The following NDUFB7 variants were observed in gnomAD, a reference collection of about 807,000 sequenced individuals.
NDUFB7 encodes NADH:ubiquinone oxidoreductase subunit B7.
NDUFB7 carries 18 observed loss-of-function variants against 14.7 expected under a neutral mutation model. The observed-to-expected ratio is 1.22, with a 90% CI of 0.85 to 1.81. The LOEUF (loss-of-function observed/expected upper bound fraction) is 1.81, where lower values mean the gene tolerates loss of function less well. Among genes scored for constraint, NDUFB7 ranks in the 40% most tolerant of loss-of-function variants. NDUFB7 has a pLI of 0.00. For synonymous variants in NDUFB7, 86 were observed against 76.1 expected (o/e 1.13, Z -0.68); for missense variants, 219 against 195.0 (o/e 1.12, Z -0.73).
At position 14,567,680 on chromosome 19, in the gene NDUFB7, C is replaced by T. The variant is rs551604978; in HGVS notation, c.113-747G>A. On this transcript the variant is annotated intron_variant, in intron 1 of 2. Coordinates refer to ENST00000215565, the MANE Select transcript of NDUFB7 (RefSeq NM_004146.6). The surrounding 1 kb of genome is among the most constrained non-coding windows in gnomAD (Gnocchi z 5.1). ...TCCCCACCGCCTCCCTCAGACCCAG[C>T]CTCCCTAGCCCTCCTGACGTCCACC... Among the ~76,000 whole-genome samples, 2 of 152,240 alleles carry T rather than the reference C, an allele frequency of 1.3e-5. No homozygotes were observed. Among genetic ancestry groups the T allele is most frequent in the South Asian group, 4.1e-4 (2 of 4,826 alleles).
rs149294891 is a variant in NDUFB7 at position 14,566,334 on chromosome 19, C to T, written c.282-69G>A. 3,306 of 1,604,734 alleles carry T rather than the reference C, an allele frequency of 2.1e-3. 43 individuals carry two copies. The African/African-American group carries it at 0.036, about 17-fold the overall frequency. On this transcript the variant is annotated intron_variant, in intron 2 of 2. Transcript: ENST00000215565. ...GACACGCCCCCCAAGCCCTGGGAAG[C>T]GGAGGGGCCGTCCCAGAGCACTGTG...
intron 1 of NDUFB7, among the ~76,000 whole-genome samples, chr19:14,570,537 A>T (rs1160390490): frequency 6.6e-6 from 1 of 151,774 alleles, no homozygotes; most frequent in Non-Finnish European, 1.5e-5. Context: ...GTGTTTCACC[A>T]TGTTGGCCAG....
At chr19:14,569,582 T>C (rs1429400325) in intron 1 of NDUFB7, among the ~76,000 whole-genome samples, 1 of 152,158 alleles carries the variant, frequency 6.6e-6, no homozygotes, top group Non-Finnish European at 1.5e-5. Flanking sequence ...TGCTAGCGTT[T>C]GCAAAGCTGA....
Position 14,566,807 on chromosome 19 carries a change from C to T in NDUFB7, c.239G>A (p.Cys80Tyr). The change falls in exon 2 of 3, where the codon TGC (cysteine) becomes TAC (tyrosine). Residue 80 changes from cysteine to tyrosine, a missense_variant. Cys to Tyr is a radical substitution (Grantham distance 194). Coordinates refer to ENST00000215565, the MANE Select transcript of NDUFB7 (RefSeq NM_004146.6). ...KRDSFPNFLA[C>Y]KQERHDWDYC... ...GTCCCAGTCGTGCCGCTCCTGCTTG[C>T]AGGCCAGGAAGTTGGGGAAGCTGTC... is the stretch of plus-strand genomic sequence containing the variant. The T allele has an allele frequency of 6.5e-7, 1 of 1,547,940 alleles. No homozygotes were observed.
chr19:14,566,360 G>A (rs1224956757), intron 2 of NDUFB7, 95 bp from the exon 3 acceptor site: 44 of 1,576,800 alleles, frequency 2.8e-5, no homozygotes, highest in Non-Finnish European at 3.5e-5. Context: ...GAGCACTGTG[G>A]GGGAGGCCTC....
rs2074099346 is a variant in NDUFB7 at position 14,567,530 on chromosome 19, C to A, written c.113-597G>T. Among the ~76,000 whole-genome samples the A allele has an allele frequency of 6.6e-6, 1 of 152,082 alleles. No individual in the cohort carries two copies. The highest frequency in any genetic ancestry group is 2.4e-5 in the African/African-American group (1 of 41,420). On this transcript the variant is annotated intron_variant, in intron 1 of 2. Coordinates refer to ENST00000215565, the MANE Select transcript of NDUFB7 (RefSeq NM_004146.6). This position sits in a 1 kb window ranked among gnomAD's most constrained non-coding sequence, Gnocchi z 5.1. ...AAGACAGCTGGACTAGTATCTGGGTCCCGGTGCCCCACTCACCTAGCAAAC... is the reference window on the plus strand; with the variant it reads ...AAGACAGCTGGACTAGTATCTGGGTACCGGTGCCCCACTCACCTAGCAAAC...
intron 2 of NDUFB7, 131 bp from the exon 3 acceptor site, chr19:14,566,396 T>C: frequency 6.9e-7 from 1 of 1,458,320 alleles, no homozygotes. Context: ...CGAGTGCCTG[T>C]GGCTTGGGTC....
At chr19:14,571,271 C>T (rs961586931) in intron 1 of NDUFB7, among the ~76,000 whole-genome samples, 1 of 152,180 alleles carries the variant, frequency 6.6e-6, no homozygotes, top group Non-Finnish European at 1.5e-5. Context: ...GAACGTGTCC[C>T]TGCCCTCCCA....
intron 1 of NDUFB7, 56 bp from the exon 2 acceptor site, chr19:14,566,989 G>C: frequency 6.6e-7 from 1 of 1,504,728 alleles, no homozygotes; most frequent in South Asian, 1.2e-5. Context: ...CCAATTCCGG[G>C]GATCCCCAGG....
intron 1 of NDUFB7, among the ~76,000 whole-genome samples, chr19:14,569,479 G>GC (rs982439060): frequency 6.6e-6 from 1 of 151,714 alleles, no homozygotes; most frequent in Admixed American, 6.6e-5. Flanking sequence ...TTATCTCCCC[G>GC]CCCCCCATTA....
At position 14,567,973 on chromosome 19, in the gene NDUFB7, TC is replaced by T. The variant is rs1185322054; in HGVS notation, c.113-1041del. Reference sequence around the variant, plus strand: ...CTCCCGCTTCCTTCTTTCCTGTGGCTCCTCCCACATCCCTCCTCCCCAGGTT... The same window carrying T: ...CTCCCGCTTCCTTCTTTCCTGTGGCTCTCCCACATCCCTCCTCCCCAGGTT... On this transcript the variant is annotated intron_variant, in intron 1 of 2. Coordinates refer to ENST00000215565, the MANE Select transcript of NDUFB7 (RefSeq NM_004146.6). This position sits in a 1 kb window ranked among gnomAD's most constrained non-coding sequence, Gnocchi z 5.1. Among the ~76,000 whole-genome samples, 5 of 152,104 alleles carry T rather than the reference TC, an allele frequency of 3.3e-5. 1 individual carries two copies. The South Asian group carries it at 6.2e-4, about 19-fold the overall frequency.
chr19:14,566,296 G>A, intron 2 of NDUFB7, 31 bp from the exon 3 acceptor site: 1 of 1,613,012 alleles, frequency 6.2e-7, no homozygotes, highest in Non-Finnish European at 8.5e-7. Context: ...GGGCTGTCAG[G>A]GTCCCTGGCC....
chr19:14,570,046 C>T (rs8111603), intron 1 of NDUFB7, among the ~76,000 whole-genome samples: 5,396 of 152,038 alleles, frequency 0.035, 318 homozygotes, highest in African/African-American at 0.12. Context: ...CATGCGCCAC[C>T]ACACCTGGCT....
intron 1 of NDUFB7, among the ~76,000 whole-genome samples, chr19:14,570,771 C>T (rs1350676210): frequency 1.3e-5 from 2 of 152,240 alleles, no homozygotes; most frequent in Admixed American, 1.3e-4. Flanking sequence ...CAGTTCCCTG[C>T]TGTATCCGCG....
Position 14,566,830 on chromosome 19 carries a change from G to T in NDUFB7, c.216C>A (p.Asp72Glu). 1 of 1,554,794 alleles carries T rather than the reference G, an allele frequency of 6.4e-7. No individual in the cohort carries two copies. Residue 72 changes from aspartate (D) to glutamate (E), a missense_variant, in exon 2 of 3, where the codon GAC (aspartate) becomes GAA (glutamate). By Grantham distance (45) the Asp-to-Glu change is conservative. Transcript: ENST00000215565. ...TGCAGGCCAGGAAGTTGGGGAAGCT[G>T]TCACGCTTGCACTTGAGCAGCCGGA... The part of the protein sequence containing the change: ...HLIRLLKCKR[D>E]SFPNFLACKQ...
intron 1 of NDUFB7, among the ~76,000 whole-genome samples, chr19:14,569,694 T>C (rs2074113709): frequency 6.6e-6 from 1 of 152,178 alleles, no homozygotes; most frequent in Non-Finnish European, 1.5e-5. Flanking sequence ...GTGTGGACAC[T>C]GGAGTGATTA....
chr19:14,566,366 G>A (rs1015376784), intron 2 of NDUFB7, 101 bp from the exon 3 acceptor site: 19 of 1,560,932 alleles, frequency 1.2e-5, no homozygotes, highest in Admixed American at 1.7e-5. Flanking sequence ...TGTGGGGGAG[G>A]CCTCTGAAGA....
intron 2 of NDUFB7, 102 bp from the exon 3 acceptor site, chr19:14,566,367 C>A: frequency 1.3e-6 from 2 of 1,560,432 alleles, no homozygotes; most frequent in South Asian, 1.1e-5. Context: ...GTGGGGGAGG[C>A]CTCTGAAGAA....
At chr19:14,570,394 G>T (rs2074117892) in intron 1 of NDUFB7, among the ~76,000 whole-genome samples, 1 of 151,888 alleles carries the variant, frequency 6.6e-6, no homozygotes, top group Non-Finnish European at 1.5e-5. Context: ...TAGAGACAGG[G>T]TTTCACCACA....
Sources: allele counts gnomAD v4.1 joint callset (sites outside exome capture counted in the v4.1 genomes callset), GRCh38; gene constraint gnomAD v4.1.1; non-coding constraint Gnocchi (gnomAD v3.1); transcripts MANE v1.5; gene names NCBI Gene and HGNC (gene_info 2026-07-23, HGNC 2026-07-21).